Variants in SPAG16 observed in about 807,000 individuals in gnomAD.
SPAG16 encodes the protein sperm associated antigen 16.
A neutral mutation model predicts 80.4 loss-of-function variants in SPAG16; 86 were observed. That is an observed-to-expected ratio of 1.07 (90% CI 0.90 to 1.28). The LOEUF is 1.28. Ranked by LOEUF, SPAG16 falls within the 50% of genes most tolerant of loss-of-function variation. The pLI is 0.00. For synonymous variants in SPAG16, 294 were observed against 265.9 expected (o/e 1.11, Z -1.03); for missense variants, 870 against 765.3 (o/e 1.14, Z -1.61).
intron 6 of SPAG16, among the ~76,000 whole-genome samples, chr2:213,343,363 G>T (rs541447732): frequency 1.3e-5 from 2 of 152,166 alleles, no homozygotes; most frequent in East Asian, 1.9e-4. Flanking sequence ...TGAAAAACTC[G>T]AGCTGATTCA....
intron 10 of SPAG16, among the ~76,000 whole-genome samples, chr2:213,698,869 C>T (rs990859994): frequency 1.8e-4 from 28 of 152,150 alleles, no homozygotes; most frequent in Admixed American, 1.8e-3. Flanking sequence ...GATTTACCAC[C>T]TGAATGTGTA....
intron 10 of SPAG16, among the ~76,000 whole-genome samples, chr2:213,846,769 A>T (rs1312766875): frequency 6.6e-6 from 1 of 152,116 alleles, no homozygotes; most frequent in Non-Finnish European, 1.5e-5. Context: ...TGCTATAAGA[A>T]ATTTGCACCA....
intron 15 of SPAG16, among the ~76,000 whole-genome samples, chr2:214,372,707 A>C (rs1357333076): frequency 1.3e-5 from 2 of 152,204 alleles, no homozygotes; most frequent in East Asian, 3.8e-4. Flanking sequence ...TTGACTATGT[A>C]CAGTGTTTTA....
chr2:214,217,181 C>A (rs2058452745), intron 15 of SPAG16, among the ~76,000 whole-genome samples: 1 of 152,282 alleles, frequency 6.6e-6, no homozygotes, highest in South Asian at 2.1e-4. Flanking sequence ...GAGCAAGGCA[C>A]AAATCGATTT....
At chr2:214,037,263 A>T (rs1308711355) in intron 13 of SPAG16, among the ~76,000 whole-genome samples, 2 of 151,958 alleles carry the variant, frequency 1.3e-5, no homozygotes, top group African/African-American at 4.8e-5. Context: ...TTGTTTAGAA[A>T]TTCTTTAAAT....
At position 214,072,702 on chromosome 2, in the gene SPAG16, T is replaced by C. The variant is rs183632095; in HGVS notation, c.1528-35494T>C. Among the ~76,000 whole-genome samples the C allele has an allele frequency of 1.1e-3, 172 of 152,154 alleles. 1 individual carries two copies. The highest frequency in any genetic ancestry group is 4.0e-3 in the African/African-American group (168 of 41,538). ...ACATTTAAGATATTTAAAAATAGAA[T>C]CCAAGATGATGTCATTAAAAACTGT... On this transcript the variant is annotated intron_variant, in intron 13 of 15. Coordinates refer to ENST00000331683, the MANE Select transcript of SPAG16 (RefSeq NM_024532.5).
chr2:214,268,978 C>T (rs1691794283), intron 15 of SPAG16, among the ~76,000 whole-genome samples: 1 of 151,900 alleles, frequency 6.6e-6, no homozygotes, highest in Non-Finnish European at 1.5e-5. Context: ...AACAATTTGC[C>T]AGACTTTCAT....
chr2:213,930,360 G>A (rs1290678056), intron 12 of SPAG16, among the ~76,000 whole-genome samples: 2 of 152,030 alleles, frequency 1.3e-5, no homozygotes, highest in Non-Finnish European at 2.9e-5. Flanking sequence ...CTTTCTAAAT[G>A]TAAGTATCAA....
At chr2:213,497,419 A>G (rs2074540474) in intron 10 of SPAG16, among the ~76,000 whole-genome samples, 1 of 148,136 alleles carries the variant, frequency 6.8e-6, no homozygotes, top group Admixed American at 6.7e-5. Flanking sequence ...CTGAGCAACT[A>G]TCATCTTCCA....
At chr2:213,310,324 ACACACACAC>A in intron 4 of SPAG16, 147 bp downstream of exon 4, 1 of 768 alleles carries the variant, frequency 1.3e-3, no homozygotes, top group Non-Finnish European at 2.9e-3. Context: ...ACCACAACAC[ACACACACAC>A]ACACACACAC....
At chr2:213,779,303 C>T (rs1003705747) in intron 10 of SPAG16, among the ~76,000 whole-genome samples, 18 of 152,292 alleles carry the variant, frequency 1.2e-4, no homozygotes, top group Admixed American at 1.0e-3. Flanking sequence ...ACCTTCAACT[C>T]CACATTCCAT....
chr2:213,371,411 AAAAAAAAG>A (rs1439247366), intron 8 of SPAG16, among the ~76,000 whole-genome samples: 1 of 144,406 alleles, frequency 6.9e-6, no homozygotes, highest in Non-Finnish European at 1.5e-5. Context: ...AAAAAAAAAA[AAAAAAAAG>A]AAAAGAAAAG....
chr2:213,602,950 T>G (rs1453295763), intron 10 of SPAG16, among the ~76,000 whole-genome samples: 1 of 152,262 alleles, frequency 6.6e-6, no homozygotes, highest in Admixed American at 6.5e-5. Context: ...AGGTGTTTAA[T>G]TCACTTACAG....
intron 10 of SPAG16, among the ~76,000 whole-genome samples, chr2:213,804,991 T>G (rs1331985020): frequency 1.3e-5 from 2 of 152,188 alleles, no homozygotes; most frequent in African/African-American, 2.4e-5. Flanking sequence ...TTATTGGAAA[T>G]TTTAGCTGGC....
intron 15 of SPAG16, among the ~76,000 whole-genome samples, chr2:214,250,941 A>G (rs561772624): frequency 2.0e-5 from 3 of 151,578 alleles, no homozygotes; most frequent in Non-Finnish European, 4.4e-5. Context: ...ATGCTACATC[A>G]TATTAAAAAA....
At chr2:214,141,086 T>C (rs2055334615) in intron 14 of SPAG16, among the ~76,000 whole-genome samples, 1 of 152,094 alleles carries the variant, frequency 6.6e-6, no homozygotes, top group Admixed American at 6.6e-5. Context: ...TAAGATAAGA[T>C]TTAGATTAGG....
intron 15 of SPAG16, among the ~76,000 whole-genome samples, chr2:214,197,540 A>T (rs2057878803): frequency 1.3e-5 from 2 of 152,016 alleles, no homozygotes; most frequent in African/African-American, 4.8e-5. Flanking sequence ...ATAAATCTCC[A>T]TAGTGAAAAT....
intron 15 of SPAG16, among the ~76,000 whole-genome samples, chr2:214,406,583 T>G (rs1203054044): frequency 6.6e-6 from 1 of 152,126 alleles, no homozygotes; most frequent in Non-Finnish European, 1.5e-5. Flanking sequence ...AACTACTTAT[T>G]AAAATAAATA....
chr2:213,896,154 T>C (rs977723530), intron 11 of SPAG16, among the ~76,000 whole-genome samples: 7 of 152,014 alleles, frequency 4.6e-5, no homozygotes, highest in African/African-American at 1.4e-4. Context: ...TAGACGTTTA[T>C]CAAAAGAAGA....
Sources: allele counts gnomAD v4.1 joint callset (sites outside exome capture counted in the v4.1 genomes callset), GRCh38; gene constraint gnomAD v4.1.1; transcripts MANE v1.5; gene names NCBI Gene and HGNC (gene_info 2026-07-23, HGNC 2026-07-21).